The following DNHD1 variants were observed in gnomAD, a reference collection of about 807,000 sequenced individuals.
DNHD1 encodes dynein heavy chain domain 1, also known as dynein heavy chain domain-containing protein 1.
Under a neutral mutation model 458.1 loss-of-function variants are expected in DNHD1, and 383 were observed. The observed-to-expected ratio is 0.84, with a 90% confidence interval of 0.77 to 0.91. The LOEUF is 0.91. Among genes scored for constraint, DNHD1 ranks in the 40% least tolerant of loss-of-function variants. The pLI, the probability that DNHD1 is intolerant of heterozygous loss-of-function variation, is 0.00. For synonymous variants in DNHD1, 2,203 were observed against 2,376.9 expected (o/e 0.93, Z 2.13); for missense variants, 5,336 against 5,866.1 (o/e 0.91, Z 2.95).
chr11:6,525,810 C>T (rs1009692504), intron 10 of DNHD1, among the ~76,000 whole-genome samples: 2 of 152,050 alleles, frequency 1.3e-5, no homozygotes, highest in Admixed American at 6.5e-5. Context: ...AAAAAGCCTT[C>T]GATAGTCTAA....
intron 26 of DNHD1, 99 bp from the exon 27 acceptor site, chr11:6,558,803 C>A: frequency 2.0e-6 from 3 of 1,505,066 alleles, no homozygotes; most frequent in Non-Finnish European, 2.7e-6. Context: ...GAGCCCCCTT[C>A]ACATTTCCTA....
intron 14 of DNHD1, among the ~76,000 whole-genome samples, chr11:6,536,013 C>T (rs934988996): frequency 1.3e-5 from 2 of 152,266 alleles, no homozygotes; most frequent in South Asian, 2.1e-4. Context: ...GACATAGGGA[C>T]ATGATCTGCC....
At position 6,548,707 on chromosome 11, in the gene DNHD1, T is replaced by C. The variant is rs1853274548; in HGVS notation, c.7161T>C (p.Ala2387=). The change falls in exon 24 of 43, where the codon GCT becomes GCC. Residue 2387 remains alanine (A), a synonymous_variant. Transcript: ENST00000254579. This position sits in a 1 kb window ranked among gnomAD's most constrained non-coding sequence, Gnocchi z 4.4. ...CAGGGGGACAGCCAGTGTTGCTGGC[T>C]GGAGAGGCAGCAACAGGGAAGTCAG... ...LLSGGQPVLL[A]GEAATGKSAF... is the part of the protein sequence containing the mutation. The C allele has an allele frequency of 6.4e-6, 10 of 1,551,562 alleles. No homozygotes were observed. Among genetic ancestry groups the C allele is most frequent in the African/African-American group, 2.7e-5 (2 of 73,038 alleles).
chr11:6,545,258 TG>T lies in DNHD1; in HGVS notation c.4320del (p.His1441IlefsTer37). The T allele has an allele frequency of 1.9e-6, 3 of 1,551,748 alleles. No individual in the cohort carries two copies. The highest frequency in any genetic ancestry group is 2.6e-6 in the Non-Finnish European group (3 of 1,147,002). On this transcript the variant is annotated frameshift_variant, in exon 21 of 43. Coordinates refer to ENST00000254579, the MANE Select transcript of DNHD1 (RefSeq NM_144666.3). This position sits in a 1 kb window ranked among gnomAD's most constrained non-coding sequence, Gnocchi z 4.9. The part of the protein sequence containing the change: ...EEVKLQGPLP[L>X]HPDLPKWLAS... ...GTGAAGCTGCAGGGTCCCCTTCCTC[TG>T]CATCCAGATCTCCCTAAGTGGCTGG...
intron 10 of DNHD1, chr11:6,520,965 C>G (rs1424591700): frequency 1.3e-6 from 1 of 776,096 alleles, no homozygotes; most frequent in African/African-American, 1.9e-5. Context: ...GAATAGGTGA[C>G]AAGGAGCAAA....
intron 28 of DNHD1, among the ~76,000 whole-genome samples, chr11:6,560,935 G>A (rs1300103438): frequency 6.6e-6 from 1 of 152,088 alleles, no homozygotes; most frequent in Non-Finnish European, 1.5e-5. Flanking sequence ...TAGATGGATG[G>A]ATAGATAGAT....
rs1391682539 is a variant in DNHD1, at chr11:6,571,040, C to T, written c.13528C>T (p.Leu4510=). ...QRDLDCLLQQ[L]KGAPPCPSRR... ...CGACCTTGATTGCCTGTTGCAGCAG[C>T]TGAAGGGCGCACCCCCGTGCCCCTC... Residue 4510 remains leucine (L), a synonymous_variant, in exon 42 of 43, where the codon CTG becomes TTG. Transcript: ENST00000254579. The surrounding 1 kb of genome is among the most constrained non-coding windows in gnomAD (Gnocchi z 5.0). The T allele has an allele frequency of 6.3e-7, 1 of 1,581,398 alleles. No homozygotes were observed.
intron 11 of DNHD1, 32 bp from the exon 12 acceptor site, chr11:6,528,846 G>A (rs779735233): frequency 6.5e-7 from 1 of 1,550,382 alleles, no homozygotes; most frequent in African/African-American, 1.4e-5. Flanking sequence ...ATAGCCGCAT[G>A]CCTCTGCCCT....
chr11:6,512,324 C>A (rs1206735426), intron 7 of DNHD1, among the ~76,000 whole-genome samples: 1 of 149,110 alleles, frequency 6.7e-6, no homozygotes, highest in Non-Finnish European at 1.5e-5. Flanking sequence ...GGGTTCACGC[C>A]ATTCTCCTGC....
At chr11:6,554,512 C>T (rs1302933471) in intron 24 of DNHD1, among the ~76,000 whole-genome samples, 1 of 152,080 alleles carries the variant, frequency 6.6e-6, no homozygotes. Flanking sequence ...AAGCTATTGA[C>T]AGAGAAAACA....
Position 6,548,565 on chromosome 11 carries a change from A to C in DNHD1, c.7099-80A>C. 1 of 1,510,020 alleles carries C rather than the reference A, an allele frequency of 6.6e-7. No homozygotes were observed. The highest frequency in any genetic ancestry group is 8.9e-7 in the Non-Finnish European group (1 of 1,117,678). 93.5% of individuals were successfully genotyped at this position (1,510,020 alleles called of 1,614,324 possible). A position where few individuals can be genotyped will look rare whatever the true frequency, so the allele number is the denominator to read the frequency against. ...ATTTTCCAAGTACAGCTCTAGGACA[A>C]GTCCCTTAGACTTTTATTTTCAGCT... is the stretch of plus-strand genomic sequence containing the variant. On this transcript the variant is annotated intron_variant, in intron 23 of 42. Transcript: ENST00000254579. This position sits in a 1 kb window ranked among gnomAD's most constrained non-coding sequence, Gnocchi z 4.4.
chr11:6,566,260 C>A lies in DNHD1; in HGVS notation c.11073C>A (p.Thr3691=). ...AAACGLPVLL[T]NVELGLGCEE... is the part of the protein sequence containing the mutation. ...TCACAGGCCTGCCTGTGTTACTGAC[C>A]AATGTGGAGCTGGGTCTAGGGTGCG... Residue 3691 remains threonine (T), a synonymous_variant, in exon 34 of 43, where the codon ACC becomes ACA. Transcript: ENST00000254579. 1 of 1,551,642 alleles carries A rather than the reference C, an allele frequency of 6.4e-7. No homozygotes were observed. The highest frequency in any genetic ancestry group is 8.7e-7 in the Non-Finnish European group (1 of 1,146,956).
chr11:6,547,735 C>T, intron 21 of DNHD1, 69 bp downstream of exon 21: 1 of 1,479,738 alleles, frequency 6.8e-7, no homozygotes, highest in Non-Finnish European at 9.1e-7. Context: ...ATAGCTGGAG[C>T]CTGGGGCGTG....
At chr11:6,551,862 A>G (rs958380914) in intron 24 of DNHD1, among the ~76,000 whole-genome samples, 11 of 134,052 alleles carry the variant, frequency 8.2e-5, no homozygotes, top group African/African-American at 3.4e-4. Flanking sequence ...AATTGCTTGA[A>G]CCAGGGAGGT....
chr11:6,570,447 T>C (rs964460803), intron 41 of DNHD1, 51 bp downstream of exon 41: 6 of 1,541,258 alleles, frequency 3.9e-6, no homozygotes, highest in South Asian at 3.7e-5. Context: ...TGCAATGCAA[T>C]GCCACCCCCC....
intron 7 of DNHD1, among the ~76,000 whole-genome samples, chr11:6,516,868 A>C (rs543151899): frequency 2.0e-5 from 3 of 152,138 alleles, no homozygotes; most frequent in East Asian, 1.9e-4. Flanking sequence ...TCCTCCCTCT[A>C]TTCTTCCCAT....
Position 6,568,653 on chromosome 11 carries a change from C to A in DNHD1, c.12662-12C>A, listed in dbSNP as rs1187296857. On this transcript the variant is annotated splice_polypyrimidine_tract_variant and intron_variant, in intron 38 of 42. Transcript: ENST00000254579. Reference sequence around the variant, plus strand: ...TGTGCTGTGCTGACTCAGCACTCTCCTTCCTCCCCAGCTGTGCTGACTCAG... The same window carrying A: ...TGTGCTGTGCTGACTCAGCACTCTCATTCCTCCCCAGCTGTGCTGACTCAG... 1 of 1,613,742 alleles carries A rather than the reference C, an allele frequency of 6.2e-7. No individual in the cohort carries two copies. The highest frequency in any genetic ancestry group is 1.7e-5 in the Admixed American group (1 of 59,988).
At chr11:6,520,829 A>T in intron 10 of DNHD1, 3 of 989,110 alleles carry the variant, frequency 3.0e-6, no homozygotes, top group Non-Finnish European at 3.6e-6. Flanking sequence ...TTAGGATACT[A>T]ATGCTGTCAC....
Position 6,538,697 on chromosome 11 carries a change from C to T in DNHD1, c.3212C>T (p.Pro1071Leu), listed in dbSNP as rs1471012133. 6.5e-7 allele frequency: 1 copy of T among 1,550,146 alleles called. No individual in the cohort carries two copies. The highest frequency in any genetic ancestry group is 2.0e-5 in the Admixed American group (1 of 50,918). The stretch of plus-strand genomic sequence containing the variant: ...AGCACAACCCTGGAGCTGCACAGCC[C>T]CGTGCTGCAGCACTGCATGCGCATC... Reference protein sequence around the residue: ...RMSTTLELHSPVLQHCMRILG... With the variant: ...RMSTTLELHSLVLQHCMRILG... Residue 1071 changes from proline to leucine, a missense_variant, in exon 16 of 43, where the codon CCC becomes CTC. Transcript: ENST00000254579.
Sources: gnomAD v4.1 joint callset for allele counts (sites outside exome capture counted in the v4.1 genomes callset) on GRCh38, gnomAD v4.1.1 for gene constraint, Gnocchi (gnomAD v3.1) non-coding constraint, MANE v1.5 for transcripts, NCBI Gene and HGNC (gene_info 2026-07-23, HGNC 2026-07-21) for gene names.